The following FAM120A variants were observed in gnomAD, a reference collection of about 807,000 sequenced individuals.
The protein encoded by FAM120A is constitutive coactivator of PPAR-gamma-like protein 1.
In FAM120A, 15 loss-of-function variants were observed where a neutral mutation model predicts 109.7. The ratio of observed to expected loss-of-function variants is 0.14; its 90% confidence interval spans 0.09 to 0.21. The LOEUF is 0.21. Ranked by LOEUF, FAM120A falls within the 10% of genes least tolerant of loss-of-function variation. The pLI is 1.00. For missense variants in FAM120A, 899 were observed against 1,439.3 expected (o/e 0.62, Z 6.07); for synonymous variants, 493 against 572.8 (o/e 0.86, Z 1.99).
chr9:93,474,497 A>AC (rs1057300913), intron 2 of FAM120A, among the ~76,000 whole-genome samples: 1 of 151,876 alleles, frequency 6.6e-6, no homozygotes, highest in African/African-American at 2.4e-5. Context: ...TAAGTATTTC[A>AC]CCCCCCAATT....
intron 9 of FAM120A, chr9:93,531,085 G>C (rs1229095467): frequency 7.9e-5 from 12 of 152,150 alleles, no homozygotes; most frequent in Admixed American, 5.2e-4. Context: ...GAATGGCTCT[G>C]GTATTAATTG....
intron 10 of FAM120A, among the ~76,000 whole-genome samples, chr9:93,542,629 T>C (rs1392469769): frequency 6.6e-6 from 1 of 152,260 alleles, no homozygotes; most frequent in Non-Finnish European, 1.5e-5. Context: ...TACTGTGTGC[T>C]GGCATCATCT....
chr9:93,466,026 G>A (rs988400775), intron 1 of FAM120A, among the ~76,000 whole-genome samples: 1 of 152,144 alleles, frequency 6.6e-6, no homozygotes, highest in Admixed American at 6.5e-5. Context: ...CACATGGCAC[G>A]TGGCATTGAC....
At chr9:93,530,885 T>TCA (rs1861300452) in intron 9 of FAM120A, 3 of 152,250 alleles carry the variant, frequency 2.0e-5, no homozygotes, top group African/African-American at 7.2e-5. Flanking sequence ...CTACCTGTTA[T>TCA]GTCCACACTG....
At chr9:93,488,830 G>A (rs1859186237) in intron 3 of FAM120A, among the ~76,000 whole-genome samples, 1 of 151,864 alleles carries the variant, frequency 6.6e-6, no homozygotes, top group Non-Finnish European at 1.5e-5. Context: ...TGCTTGCTGG[G>A]ATTCATGCAG....
chr9:93,482,883 T>C (rs1425279940), intron 3 of FAM120A, among the ~76,000 whole-genome samples: 1 of 152,168 alleles, frequency 6.6e-6, no homozygotes, highest in African/African-American at 2.4e-5. Flanking sequence ...GCATGGTGCC[T>C]GTCTCTGGAC....
intron 11 of FAM120A, among the ~76,000 whole-genome samples, chr9:93,549,853 G>A (rs1053517316): frequency 3.2e-4 from 48 of 152,138 alleles, no homozygotes; most frequent in African/African-American, 1.1e-3. Flanking sequence ...ACTTTTTCAC[G>A]CCCAGACACT....
chr9:93,451,881 C>T lies in FAM120A; in HGVS notation c.-35C>T. The T allele has an allele frequency of 2.5e-6, 3 of 1,208,586 alleles. No individual in the cohort carries two copies. The highest frequency in any genetic ancestry group is 3.1e-6 in the Non-Finnish European group (3 of 974,230). The allele number at this position is 1,208,586 out of a possible 1,614,324, so 74.9% of individuals were successfully genotyped here. On this transcript the variant is annotated 5_prime_UTR_variant, in exon 1 of 18. Coordinates refer to ENST00000277165, the MANE Select transcript of FAM120A (RefSeq NM_014612.5). ...CCACCACCCCCGGCCCCGCCGCCCCCCGCCCGCACCCGCGCCCGCGCCCCC... is the reference window on the plus strand; with the variant it reads ...CCACCACCCCCGGCCCCGCCGCCCCTCGCCCGCACCCGCGCCCGCGCCCCC...
At chr9:93,561,719 A>G (rs944573804) in intron 16 of FAM120A, among the ~76,000 whole-genome samples, 1 of 152,164 alleles carries the variant, frequency 6.6e-6, no homozygotes, top group Non-Finnish European at 1.5e-5. Flanking sequence ...TAATGTTTGC[A>G]TAGGATCCCA....
Position 93,561,734 on chromosome 9 carries a change from T to C in FAM120A, c.2949-474T>C, listed in dbSNP as rs140857550. ...TAATGTTTGCATAGGATCCCATTTA[T>C]AGTATTATGTAATTATTTAATTAAC... On this transcript the variant is annotated intron_variant, in intron 16 of 17. Coordinates refer to ENST00000277165, the MANE Select transcript of FAM120A (RefSeq NM_014612.5). Among the ~76,000 whole-genome samples, 7 of 152,312 alleles carry C rather than the reference T, an allele frequency of 4.6e-5. No individual in the cohort carries two copies. The East Asian group carries it at 1.3e-3, about 29-fold the overall frequency.
chr9:93,504,776 C>T (rs1455420283), intron 5 of FAM120A, among the ~76,000 whole-genome samples: 1 of 152,092 alleles, frequency 6.6e-6, no homozygotes, highest in East Asian at 1.9e-4. Context: ...CTGATGTGCC[C>T]AGGAGTGGAA....
At chr9:93,501,900 A>G (rs935384733) in intron 5 of FAM120A, among the ~76,000 whole-genome samples, 4 of 152,260 alleles carry the variant, frequency 2.6e-5, no homozygotes, top group African/African-American at 9.6e-5. Flanking sequence ...ACCCCTGCAT[A>G]CTACTGGGAT....
intron 5 of FAM120A, among the ~76,000 whole-genome samples, chr9:93,502,941 A>G (rs751669203): frequency 6.6e-6 from 1 of 152,288 alleles, no homozygotes; most frequent in Non-Finnish European, 1.5e-5. Context: ...GTCTCACCTC[A>G]GATCTGTGGA....
At chr9:93,471,454 A>C in intron 2 of FAM120A, 67 bp downstream of exon 2, 3 of 1,580,212 alleles carry the variant, frequency 1.9e-6, no homozygotes, top group Non-Finnish European at 2.6e-6. Context: ...TGATCTTTTA[A>C]GTGTTTCTGT....
chr9:93,453,483 A>C, intron 1 of FAM120A: 1 of 985,380 alleles, frequency 1.0e-6, no homozygotes, highest in South Asian at 4.7e-5. Context: ...CCATCTTGTC[A>C]TTTGACATTT....
Position 93,498,713 on chromosome 9 carries a change from C to A in FAM120A, c.934-77C>A. The A allele has an allele frequency of 1.2e-6, 1 of 855,114 alleles. No homozygotes were observed. Among genetic ancestry groups the A allele is most frequent in the South Asian group, 1.4e-5 (1 of 73,036 alleles). The allele number at this position is 855,114 out of a possible 1,614,324, so 53.0% of individuals were successfully genotyped here. A position where few individuals can be genotyped will look rare whatever the true frequency, so the allele number is the denominator to read the frequency against. Reference sequence around the variant, plus strand: ...AAAGCTGTAGAATATTATACATGTGCTGAATTATAAAAAACATTGTGATAC... The same window carrying A: ...AAAGCTGTAGAATATTATACATGTGATGAATTATAAAAAACATTGTGATAC... On this transcript the variant is annotated intron_variant, in intron 4 of 17. Transcript: ENST00000277165. The surrounding 1 kb of genome is among the most constrained non-coding windows in gnomAD (Gnocchi z 4.4).
At chr9:93,483,002 C>T (rs1858887964) in intron 3 of FAM120A, among the ~76,000 whole-genome samples, 2 of 152,220 alleles carry the variant, frequency 1.3e-5, no homozygotes, top group Non-Finnish European at 2.9e-5. Flanking sequence ...GTGGCATTTA[C>T]CACGTAACCT....
At chr9:93,546,073 A>C (rs1861878331) in intron 11 of FAM120A, among the ~76,000 whole-genome samples, 1 of 152,042 alleles carries the variant, frequency 6.6e-6, no homozygotes, top group African/African-American at 2.4e-5. Context: ...GACATGAGCC[A>C]CCGCACCTGG....
At chr9:93,553,060 C>T (rs777840240) in intron 12 of FAM120A, among the ~76,000 whole-genome samples, 1 of 152,226 alleles carries the variant, frequency 6.6e-6, no homozygotes, top group South Asian at 2.1e-4. Context: ...ATGCTTTCTT[C>T]GTCTGCCATG....
Sources: allele counts gnomAD v4.1 joint callset (sites outside exome capture counted in the v4.1 genomes callset), GRCh38; gene constraint gnomAD v4.1.1; non-coding constraint Gnocchi (gnomAD v3.1); transcripts MANE v1.5; gene names NCBI Gene and HGNC (gene_info 2026-07-23, HGNC 2026-07-21).